Variants in RARB observed in about 807,000 individuals in gnomAD.
The protein encoded by RARB is retinoic acid receptor beta, also known as HBV-activated protein.
Under a neutral mutation model 51.9 loss-of-function variants are expected in RARB, and 17 were observed. The ratio of observed to expected loss-of-function variants is 0.33; its 90% CI spans 0.22 to 0.49. The LOEUF (loss-of-function observed/expected upper bound fraction) is 0.49. Among genes scored for constraint, RARB ranks in the 20% least tolerant of loss-of-function variants. The probability of loss-of-function intolerance (pLI) is 0.99; values close to 1 mark genes in which losing one functional copy is unlikely to be tolerated. For missense variants in RARB, 369 were observed against 550.8 expected, an observed-to-expected ratio of 0.67 and a Z score of 3.30; for synonymous variants, 215 against 195.4, an observed-to-expected ratio of 1.10 and a Z score of -0.84.
intron 5 of RARB, among the ~76,000 whole-genome samples, chr3:25,293,896 C>T (rs1341907604): frequency 6.6e-6 from 1 of 152,196 alleles, no homozygotes; most frequent in Non-Finnish European, 1.5e-5. Context: ...CTCAATTTCA[C>T]ATGTGTCGTA....
chr3:25,423,364 CAG>C (rs1321714251), upstream of RARB, among the ~76,000 whole-genome samples: 1 of 152,146 alleles, frequency 6.6e-6, no homozygotes, highest in Non-Finnish European at 1.5e-5. Flanking sequence ...CATTGATGTA[CAG>C]AGATTCTAAC....
At chr3:24,845,970 C>T (rs553116815) in intron 1 of RARB, among the ~76,000 whole-genome samples, 10 of 152,252 alleles carry the variant, frequency 6.6e-5, no homozygotes, top group Non-Finnish European at 4.4e-5. Context: ...AATACCTCTG[C>T]GAGAGGCAGA....
At chr3:25,309,994 C>T (rs1028800076) in intron 5 of RARB, among the ~76,000 whole-genome samples, 1 of 152,204 alleles carries the variant, frequency 6.6e-6, no homozygotes, top group African/African-American at 2.4e-5. Context: ...TATTTCTTGC[C>T]CCTTCCCCTG....
At chr3:25,506,509 G>A (rs1186976192) in intron 3 of RARB, among the ~76,000 whole-genome samples, 3 of 151,820 alleles carry the variant, frequency 2.0e-5, no homozygotes, top group Non-Finnish European at 2.9e-5. Context: ...TCAGCTAATC[G>A]GGAGGCTGAG....
rs113546979 is a variant in RARB, at chr3:25,048,946, G to A, written c.-379-11179G>A. 5.5e-3 allele frequency among the ~76,000 whole-genome samples: 839 copies of A among 152,094 alleles called. 5 individuals carry two copies. The highest frequency in any genetic ancestry group is 0.019 in the African/African-American group (791 of 41,494). On this transcript the variant is annotated intron_variant, in intron 2 of 11. Coordinates refer to the RARB transcript ENST00000383772. ...TTTTTGTATTTTTAGTAGAGACGGG[G>A]TTTCACCGTGTTAGCCAGGATGGTC...
At chr3:25,333,050 C>T (rs545526731) in intron 5 of RARB, among the ~76,000 whole-genome samples, 55 of 152,096 alleles carry the variant, frequency 3.6e-4, no homozygotes, top group Non-Finnish European at 6.2e-4. Context: ...TGGAAGAACA[C>T]TCCATGCTCA....
At chr3:24,902,173 C>G (rs968065274) in intron 2 of RARB, among the ~76,000 whole-genome samples, 1 of 152,250 alleles carries the variant, frequency 6.6e-6, no homozygotes, top group African/African-American at 2.4e-5. Flanking sequence ...CACATTCCTA[C>G]GTCTGAGAAG....
chr3:25,216,310 A>G (rs973828468), intron 5 of RARB, among the ~76,000 whole-genome samples: 6 of 152,180 alleles, frequency 3.9e-5, no homozygotes, highest in African/African-American at 9.7e-5. Flanking sequence ...ATGTATATCC[A>G]TAAACACTAA....
chr3:25,180,439 C>T (rs1296048473), intron 5 of RARB, among the ~76,000 whole-genome samples: 2 of 152,114 alleles, frequency 1.3e-5, no homozygotes, highest in Admixed American at 6.5e-5. Flanking sequence ...TGAGACTTTC[C>T]ATATCTCATG....
chr3:25,592,926 A>G (rs1701667513), intron 5 of RARB, among the ~76,000 whole-genome samples: 1 of 152,180 alleles, frequency 6.6e-6, no homozygotes, highest in African/African-American at 2.4e-5. Context: ...CATGGGAGAG[A>G]GAGCCTAACT....
chr3:25,329,913 C>A (rs1704841101), intron 5 of RARB, among the ~76,000 whole-genome samples: 1 of 152,000 alleles, frequency 6.6e-6, no homozygotes, highest in Non-Finnish European at 1.5e-5. Context: ...GAAAGGGTAT[C>A]AGTGATTGAA....
chr3:24,944,567 C>G (rs1178675384), intron 2 of RARB, among the ~76,000 whole-genome samples: 4 of 152,172 alleles, frequency 2.6e-5, no homozygotes, highest in Non-Finnish European at 4.4e-5. Flanking sequence ...TTTAAACCTA[C>G]AAATGCCTGA....
At chr3:25,188,490 C>T (rs1034980374) in intron 5 of RARB, among the ~76,000 whole-genome samples, 11 of 152,118 alleles carry the variant, frequency 7.2e-5, no homozygotes, top group Non-Finnish European at 1.5e-4. Flanking sequence ...GGTTTATTAG[C>T]ATTTTGAAGT....
At chr3:24,947,947 T>A (rs996346109) in intron 2 of RARB, among the ~76,000 whole-genome samples, 2 of 152,178 alleles carry the variant, frequency 1.3e-5, no homozygotes, top group African/African-American at 4.8e-5. Flanking sequence ...GTTACCAATT[T>A]TTTTTTTTTC....
intron 2 of RARB, among the ~76,000 whole-genome samples, chr3:25,011,026 TAA>T (rs1365044989): frequency 2.0e-5 from 3 of 152,158 alleles, no homozygotes; most frequent in Non-Finnish European, 4.4e-5. Flanking sequence ...TTCACATTTT[TAA>T]ATGGAATCAA....
intron 5 of RARB, among the ~76,000 whole-genome samples, chr3:25,299,789 A>C (rs1029626520): frequency 8.5e-5 from 13 of 152,098 alleles, no homozygotes; most frequent in African/African-American, 3.1e-4. Context: ...ATAAGTTCAG[A>C]GATTCTGCTG....
intron 1 of RARB, among the ~76,000 whole-genome samples, chr3:24,831,430 A>T (rs974895023): frequency 6.6e-6 from 1 of 152,232 alleles, no homozygotes; most frequent in African/African-American, 2.4e-5. Flanking sequence ...AGACGCCATC[A>T]GGGAGTAATT....
rs1226596646 is a variant in RARB at position 25,466,987 on chromosome 3, A to T, written c.306+5646A>T. Among the ~76,000 whole-genome samples, 3 of 152,314 alleles carry T rather than the reference A, an allele frequency of 2.0e-5. No homozygotes were observed. In the East Asian group the frequency reaches 5.8e-4, roughly 29 times the overall value. On this transcript the variant is annotated intron_variant, in intron 2 of 7. Transcript: ENST00000330688. ...GCAAGCCCGCTGGTTTTGCTGGGCT[A>T]TGGGCCTGGGTCTGCTGCTCCACTT...
At chr3:24,951,513 A>G (rs908745682) in intron 2 of RARB, among the ~76,000 whole-genome samples, 6 of 152,184 alleles carry the variant, frequency 3.9e-5, no homozygotes, top group Admixed American at 6.5e-5. Context: ...CTTGCTGAGA[A>G]GTGTCATAAG....
Sources: gnomAD v4.1 joint callset for allele counts (sites outside exome capture counted in the v4.1 genomes callset) on GRCh38, gnomAD v4.1.1 for gene constraint, MANE v1.5 for transcripts, NCBI Gene and HGNC (gene_info 2026-07-23, HGNC 2026-07-21) for gene names.